The following MYO10 variants were observed in gnomAD, a reference collection of about 807,000 sequenced individuals.
MYO10 encodes the protein myosin X.
MYO10 carries 133 observed loss-of-function variants against 257.3 expected under a neutral mutation model. The observed-to-expected ratio is 0.52, with a 90% CI of 0.45 to 0.60. The LOEUF (loss-of-function observed/expected upper bound fraction) is 0.60, where lower values mean the gene tolerates loss of function less well. MYO10 is among the 20% of genes least tolerant of loss of function. The pLI is 0.00. For synonymous variants in MYO10, 1,104 were observed against 1,028.6 expected (o/e 1.07, Z -1.40); for missense variants, 2,399 against 2,635.7 (o/e 0.91, Z 1.97).
At chr5:16,712,503 C>T (rs1738666615) in intron 19 of MYO10, among the ~76,000 whole-genome samples, 1 of 151,818 alleles carries the variant, frequency 6.6e-6, no homozygotes. Context: ...AATACAATGA[C>T]AAAAAAATAG....
intron 2 of MYO10, among the ~76,000 whole-genome samples, chr5:16,869,583 G>T (rs1248798953): frequency 3.9e-5 from 6 of 151,960 alleles, no homozygotes; most frequent in African/African-American, 1.5e-4. Context: ...AACAGAAGGT[G>T]GCCGGACGTG....
intron 2 of MYO10, among the ~76,000 whole-genome samples, chr5:16,820,802 AATTAT>A (rs1209014878): frequency 6.6e-6 from 1 of 151,528 alleles, no homozygotes; most frequent in East Asian, 1.9e-4. Flanking sequence ...CACAGACACT[AATTAT>A]ATTTTACATA....
chr5:16,670,730 G>C lies in MYO10; in HGVS notation c.5679C>G (p.Phe1893Leu). Residue 1893 changes from phenylalanine (F) to leucine (L), a missense_variant, in exon 39 of 41, where the codon TTC becomes TTG. Coordinates refer to ENST00000513610, the MANE Select transcript of MYO10 (RefSeq NM_012334.3). ...SFLEGTLRRS[F>L]RTGSVVRQKV... ...TCTGCCGGACCACGGATCCTGTCCG[G>C]AAGCTCCGCCTCAGGGTCCCCTCTA... is the stretch of plus-strand genomic sequence containing the variant. 1 of 1,614,012 alleles carries C rather than the reference G, an allele frequency of 6.2e-7. No individual in the cohort carries two copies. Among genetic ancestry groups the C allele is most frequent in the Non-Finnish European group, 8.5e-7 (1 of 1,179,900 alleles).
intron 2 of MYO10, among the ~76,000 whole-genome samples, chr5:16,848,155 C>CTTTTTTTTTTTTTTTTTCTT (rs1743693638): frequency 6.2e-5 from 7 of 113,596 alleles, no homozygotes; most frequent in African/African-American, 2.6e-4. Context: ...CTACACATTT[C>CTTTTTTTTTTTTTTTTTCTT]TTTTTTTTTT....
chr5:16,860,349 A>G (rs1425279944), intron 2 of MYO10, among the ~76,000 whole-genome samples: 1 of 152,182 alleles, frequency 6.6e-6, no homozygotes, highest in Admixed American at 6.5e-5. Flanking sequence ...AAGAGGAAGA[A>G]GAAAGACTTT....
intron 4 of MYO10, among the ~76,000 whole-genome samples, chr5:16,785,284 T>C (rs1741545079): frequency 1.3e-5 from 2 of 152,298 alleles, no homozygotes; most frequent in South Asian, 4.1e-4. Context: ...ATAACTGGCA[T>C]CTGCTCGGCC....
At chr5:16,810,657 G>A (rs183992205) in intron 3 of MYO10, among the ~76,000 whole-genome samples, 3 of 152,266 alleles carry the variant, frequency 2.0e-5, no homozygotes, top group African/African-American at 7.2e-5. Flanking sequence ...AGCCAGGCGT[G>A]GTGGTGCGTG....
intron 2 of MYO10, among the ~76,000 whole-genome samples, chr5:16,866,837 C>G (rs189302431): frequency 7.9e-5 from 12 of 152,164 alleles, no homozygotes; most frequent in Admixed American, 7.9e-4. Flanking sequence ...CCCCAACTGC[C>G]TTTTCCTCCA....
chr5:16,810,743 C>T (rs760430979), intron 3 of MYO10, among the ~76,000 whole-genome samples: 3 of 152,068 alleles, frequency 2.0e-5, no homozygotes, highest in Non-Finnish European at 2.9e-5. Context: ...CCATTGCACT[C>T]CAGCCTGGGT....
chr5:16,719,107 CGCT>C (rs1240159087), intron 19 of MYO10, among the ~76,000 whole-genome samples: 1 of 150,268 alleles, frequency 6.7e-6, no homozygotes. Context: ...TTTGGGTCCA[CGCT>C]GCTTTTATGA....
intron 1 of MYO10, among the ~76,000 whole-genome samples, chr5:16,913,240 C>T (rs1486360826): frequency 6.6e-6 from 1 of 152,046 alleles, no homozygotes; most frequent in Non-Finnish European, 1.5e-5. Flanking sequence ...AAGCCACTGC[C>T]AAAATTCTCT....
intron 19 of MYO10, among the ~76,000 whole-genome samples, chr5:16,714,594 A>G (rs1253977449): frequency 6.6e-6 from 1 of 152,054 alleles, no homozygotes; most frequent in Non-Finnish European, 1.5e-5. Context: ...CATGCAGCCA[A>G]TAAGACCAAA....
intron 1 of MYO10, among the ~76,000 whole-genome samples, chr5:16,907,260 C>T (rs1745544017): frequency 6.6e-6 from 1 of 152,078 alleles, no homozygotes; most frequent in Non-Finnish European, 1.5e-5. Flanking sequence ...AATGTTGGAG[C>T]CAGGATTCAA....
intron 2 of MYO10, among the ~76,000 whole-genome samples, chr5:16,821,757 C>T (rs1437041890): frequency 1.3e-5 from 2 of 151,874 alleles, no homozygotes; most frequent in East Asian, 1.9e-4. Flanking sequence ...TGAGCCACCG[C>T]GCCCGGCCCC....
Position 16,666,732 on chromosome 5 carries a change from C to G in MYO10, c.6137G>C (p.Ser2046Thr). Reference sequence around the variant, plus strand: ...CTGGCTGCTGGCGGAGCGTGTCGTGCTGTAGCGCTTCTTCACGATCATGCT... The same window carrying G: ...CTGGCTGCTGGCGGAGCGTGTCGTGGTGTAGCGCTTCTTCACGATCATGCT... ...YISMIVKKRY[S>T]TTRSASSQGS... is the part of the protein sequence containing the mutation. Residue 2046 changes from serine to threonine, a missense_variant, in exon 41 of 41, where the codon AGC (serine) becomes ACC (threonine). By Grantham distance (58) the Ser-to-Thr change is moderately conservative. Coordinates refer to ENST00000513610, the MANE Select transcript of MYO10 (RefSeq NM_012334.3). The G allele has an allele frequency of 2.5e-6, 4 of 1,607,888 alleles. No individual in the cohort carries two copies. The highest frequency in any genetic ancestry group is 3.4e-6 in the Non-Finnish European group (4 of 1,178,406).
intron 1 of MYO10, among the ~76,000 whole-genome samples, chr5:16,912,802 GCACACACACACACACACA>G (rs70943817): frequency 3.0e-4 from 34 of 111,646 alleles, no homozygotes; most frequent in Non-Finnish European, 4.8e-4. Context: ...CTACCACCCT[GCACACACACACACACACA>G]CACACACACA....
At chr5:16,920,628 C>T (rs116775847) in intron 1 of MYO10, among the ~76,000 whole-genome samples, 1,996 of 152,286 alleles carry the variant, frequency 0.013, 42 homozygotes, top group African/African-American at 0.046. Flanking sequence ...TTCAGAATCA[C>T]ACACACATAA....
At chr5:16,899,147 A>T (rs1377829403) in intron 1 of MYO10, among the ~76,000 whole-genome samples, 1 of 151,480 alleles carries the variant, frequency 6.6e-6, no homozygotes, top group African/African-American at 2.4e-5. Flanking sequence ...AAAAAAAAAA[A>T]AAAAAAGTGC....
intron 2 of MYO10, among the ~76,000 whole-genome samples, chr5:16,836,854 G>A (rs1275436005): frequency 1.3e-5 from 2 of 152,040 alleles, no homozygotes; most frequent in African/African-American, 4.8e-5. Context: ...ATATACCCAA[G>A]AAAAATAAAA....
Sources: allele counts gnomAD v4.1 joint callset (sites outside exome capture counted in the v4.1 genomes callset), GRCh38; gene constraint gnomAD v4.1.1; transcripts MANE v1.5; gene names NCBI Gene and HGNC (gene_info 2026-07-23, HGNC 2026-07-21).